DCAF1: variants seen among roughly 807,000 people sequenced by gnomAD.
DCAF1 encodes DDB1- and CUL4-associated factor 1.
A neutral mutation model predicts 128.0 loss-of-function variants in DCAF1; 15 were observed. The ratio of observed to expected loss-of-function variants is 0.12; its 90% CI spans 0.08 to 0.18. The LOEUF (loss-of-function observed/expected upper bound fraction) is 0.18, where lower values mean the gene tolerates loss of function less well. Among genes scored for constraint, DCAF1 ranks in the 10% least tolerant of loss-of-function variants. DCAF1 has a pLI of 1.00. For missense variants in DCAF1, 988 were observed against 1,649.5 expected, an observed-to-expected ratio of 0.60 and a Z score of 6.95; for synonymous variants, 610 against 603.0, an observed-to-expected ratio of 1.01 and a Z score of -0.17.
rs1577030805 is a variant in DCAF1, at chr3:51,398,545, T to G, written c.*224A>C. 3.8e-6 allele frequency: 2 copies of G among 526,894 alleles called. No individual in the cohort carries two copies. The allele number at this position is 526,894 out of a possible 1,614,324, so 32.6% of individuals were successfully genotyped here. A position where few individuals can be genotyped will look rare whatever the true frequency, so the allele number is the denominator to read the frequency against. ...AATGGTGGGGGGTGGATGTGGGGGGTGCAGAGTAGGGCCTAGTCCCTGTTG... is the reference window on the plus strand; with the variant it reads ...AATGGTGGGGGGTGGATGTGGGGGGGGCAGAGTAGGGCCTAGTCCCTGTTG... On this transcript the variant is annotated 3_prime_UTR_variant, in exon 25 of 25. Coordinates refer to ENST00000684031, the MANE Select transcript of DCAF1 (RefSeq NM_001387579.1).
rs546502671 is a variant in DCAF1, at chr3:51,409,849, G to C, written c.4212+2530C>G. On this transcript the variant is annotated intron_variant, in intron 23 of 24. Transcript: ENST00000684031. ...ACTCAAGGCAACCACATGAAATTTG[G>C]AGGACCTAATACCAAGCTCTGCTAC... Among the ~76,000 whole-genome samples, 3 of 152,286 alleles carry C rather than the reference G, an allele frequency of 2.0e-5. No homozygotes were observed. In the South Asian group the frequency reaches 6.2e-4, roughly 32 times the overall value.
intron 6 of DCAF1, 65 bp from the exon 7 acceptor site, chr3:51,443,968 A>AT: frequency 6.8e-7 from 1 of 1,474,484 alleles, no homozygotes; most frequent in Non-Finnish European, 9.1e-7. Flanking sequence ...AACAATAAGC[A>AT]AAGATTTCAG....
intron 19 of DCAF1, 104 bp downstream of exon 19, chr3:51,414,520 A>C: frequency 6.8e-7 from 1 of 1,461,120 alleles, no homozygotes; most frequent in Non-Finnish European, 9.2e-7. Flanking sequence ...TATTATTACC[A>C]GTGTGGACAC....
chr3:51,437,350 A>T (rs782321058), intron 9 of DCAF1: 1 of 471,564 alleles, frequency 2.1e-6, no homozygotes. Flanking sequence ...TGGGTTGCAA[A>T]GGGGCTGAAC....
chr3:51,410,093 G>T (rs1199504427), intron 23 of DCAF1, among the ~76,000 whole-genome samples: 2 of 152,164 alleles, frequency 1.3e-5, no homozygotes, highest in Non-Finnish European at 2.9e-5. Flanking sequence ...AGCAGTAAAG[G>T]AAAGCCTTTC....
intron 3 of DCAF1, among the ~76,000 whole-genome samples, chr3:51,479,219 G>A (rs1345213691): frequency 6.6e-6 from 1 of 152,202 alleles, no homozygotes; most frequent in Non-Finnish European, 1.5e-5. Context: ...CATAGTCGTA[G>A]GCCAGGCATG....
intron 23 of DCAF1, among the ~76,000 whole-genome samples, chr3:51,409,733 G>A (rs1350590188): frequency 6.6e-6 from 1 of 152,166 alleles, no homozygotes; most frequent in African/African-American, 2.4e-5. Context: ...TTTCATGATA[G>A]CTAATGTGAA....
chr3:51,418,966 A>G (rs1275373871), intron 15 of DCAF1, 90 bp from the exon 16 acceptor site: 1 of 1,434,692 alleles, frequency 7.0e-7, no homozygotes, highest in South Asian at 1.5e-5. Context: ...AGCACAGAAC[A>G]TTAATGTTTC....
intron 5 of DCAF1, 81 bp from the exon 6 acceptor site, chr3:51,463,308 T>TCTC: frequency 1.4e-6 from 1 of 727,004 alleles, no homozygotes; most frequent in African/African-American, 1.8e-5. Context: ...CCTCAACATA[T>TCTC]TCCCATTACT....
Position 51,420,675 on chromosome 3 carries a change from C to G in DCAF1, c.2295G>C (p.Leu765=). 6.2e-7 allele frequency: 1 copy of G among 1,614,074 alleles called. No individual in the cohort carries two copies. Among genetic ancestry groups the G allele is most frequent in the Non-Finnish European group, 8.5e-7 (1 of 1,179,908 alleles). The part of the protein sequence containing the change: ...RALACKALVG[L]SRSSTVRQII... ...TCTGCCGGACAGTGCTACTGCGAGACAGGCCCACTAGGGCTTTGCAGGCCA... is the reference window on the plus strand; with the variant it reads ...TCTGCCGGACAGTGCTACTGCGAGAGAGGCCCACTAGGGCTTTGCAGGCCA... Residue 765 remains leucine, a synonymous_variant, in exon 15 of 25, where the codon CTG becomes CTC. Coordinates refer to ENST00000684031, the MANE Select transcript of DCAF1 (RefSeq NM_001387579.1). This position sits in a 1 kb window ranked among gnomAD's most constrained non-coding sequence, Gnocchi z 6.5.
chr3:51,472,155 T>C (rs782149716), intron 3 of DCAF1, among the ~76,000 whole-genome samples: 26 of 152,302 alleles, frequency 1.7e-4, no homozygotes, highest in Non-Finnish European at 3.4e-4. Context: ...ATTATCTGGC[T>C]TCTGCCTGCT....
chr3:51,497,249 CGCACCACTGCACTCCA>C (rs1405175117), intron 1 of DCAF1, among the ~76,000 whole-genome samples: 1 of 151,500 alleles, frequency 6.6e-6, no homozygotes, highest in Non-Finnish European at 1.5e-5. Context: ...GGGCAAAGAT[CGCACCACTGCACTCCA>C]GGCTAGGTGA....
At chr3:51,498,931 C>T (rs1044970383) in intron 1 of DCAF1, among the ~76,000 whole-genome samples, 2 of 152,104 alleles carry the variant, frequency 1.3e-5, no homozygotes, top group African/African-American at 4.8e-5. Flanking sequence ...GCATTTTGAA[C>T]AGGAAGATGC....
At chr3:51,484,159 T>C (rs536833112) in intron 2 of DCAF1, among the ~76,000 whole-genome samples, 2 of 152,178 alleles carry the variant, frequency 1.3e-5, no homozygotes, top group African/African-American at 4.8e-5. Flanking sequence ...ACAAAAAATA[T>C]GGTACCTTTC....
At chr3:51,492,981 A>G (rs1373133999) in intron 2 of DCAF1, among the ~76,000 whole-genome samples, 2 of 152,002 alleles carry the variant, frequency 1.3e-5, no homozygotes, top group African/African-American at 4.8e-5. Flanking sequence ...GTGACAGAGC[A>G]AGACTCCCTC....
chr3:51,417,141 G>C lies in DCAF1; in HGVS notation c.3519-270C>G, dbSNP rs1264066374. Among the ~76,000 whole-genome samples the C allele has an allele frequency of 2.6e-5, 4 of 152,208 alleles. 1 individual carries two copies. In the East Asian group the frequency reaches 5.8e-4, roughly 22 times the overall value. Reference sequence around the variant, plus strand: ...TTTGAAACACGCAGCAAAGGGGCCAGGCATGGTAGCTCACTCCTACAATCC... The same window carrying C: ...TTTGAAACACGCAGCAAAGGGGCCACGCATGGTAGCTCACTCCTACAATCC... On this transcript the variant is annotated intron_variant, in intron 17 of 24. Transcript: ENST00000684031.
chr3:51,473,634 G>C lies in DCAF1; in HGVS notation c.111-2629C>G, dbSNP rs149721747. On this transcript the variant is annotated intron_variant, in intron 3 of 24. Transcript: ENST00000684031. ...AGGCTCAAATGATCCTCCCACCTCAGGCTCCTGAATAACTGGGACTACAGG... is the reference window on the plus strand; with the variant it reads ...AGGCTCAAATGATCCTCCCACCTCACGCTCCTGAATAACTGGGACTACAGG... 1.4e-3 allele frequency among the ~76,000 whole-genome samples: 217 copies of C among 151,312 alleles called. 1 individual carries two copies. Among genetic ancestry groups the C allele is most frequent in the African/African-American group, 4.9e-3 (202 of 41,264 alleles).
chr3:51,451,069 CTTTTTTTTTTTTTTTTTTTTT>C (rs1167474829), intron 6 of DCAF1, among the ~76,000 whole-genome samples: 7 of 27,102 alleles, frequency 2.6e-4, no homozygotes, highest in East Asian at 1.4e-3. Context: ...AAAGGAAATT[CTTTTTTTTTTTTTTTTTTTTT>C]TTTTTTTTTT....
At chr3:51,429,923 C>A in intron 11 of DCAF1, 110 bp downstream of exon 11, 3 of 616,034 alleles carry the variant, frequency 4.9e-6, no homozygotes, top group Non-Finnish European at 8.8e-6. Flanking sequence ...AGAATGGCAG[C>A]AAAACTCCTC....
Sources: gnomAD v4.1 joint callset for allele counts (sites outside exome capture counted in the v4.1 genomes callset) on GRCh38, gnomAD v4.1.1 for gene constraint, Gnocchi (gnomAD v3.1) non-coding constraint, MANE v1.5 for transcripts, NCBI Gene and HGNC (gene_info 2026-07-23, HGNC 2026-07-21) for gene names.